LAMC2: variants seen among roughly 807,000 people sequenced by gnomAD.
LAMC2 encodes the protein laminin subunit gamma 2, also known as laminin subunit gamma-2.
A neutral mutation model predicts 140.2 loss-of-function variants in LAMC2; 97 were observed. The ratio of observed to expected loss-of-function variants is 0.69; its 90% CI spans 0.59 to 0.82. The LOEUF (loss-of-function observed/expected upper bound fraction) is 0.82. LAMC2 is among the 40% of genes least tolerant of loss of function. The pLI is 0.00. For synonymous variants in LAMC2, 513 were observed against 540.2 expected, an observed-to-expected ratio of 0.95 and a Z score of 0.70; for missense variants, 1,402 against 1,476.1, an observed-to-expected ratio of 0.95 and a Z score of 0.82.
chr1:183,236,261 C>T (rs1659958177), intron 16 of LAMC2, among the ~76,000 whole-genome samples, 199 bp from the exon 17 acceptor site: 1 of 151,838 alleles, frequency 6.6e-6, no homozygotes, highest in African/African-American at 2.4e-5. Context: ...TGGTGGCTCA[C>T]TCTTGTAGTC....
chr1:183,228,669 T>C lies in LAMC2; in HGVS notation c.1714+50T>C. Reference sequence around the variant, plus strand: ...GTGTCTGTGCGTGCCTGTGTACGTATGCACTTGCTTGCCATCTAAGCAGGG... The same window carrying C: ...GTGTCTGTGCGTGCCTGTGTACGTACGCACTTGCTTGCCATCTAAGCAGGG... On this transcript the variant is annotated intron_variant, in intron 11 of 22. Transcript: ENST00000264144. This position sits in a 1 kb window ranked among gnomAD's most constrained non-coding sequence, Gnocchi z 4.3. The C allele has an allele frequency of 6.2e-7, 1 of 1,608,706 alleles. No homozygotes were observed.
At chr1:183,208,944 G>A (rs2102198558) in intron 2 of LAMC2, among the ~76,000 whole-genome samples, 1 of 150,586 alleles carries the variant, frequency 6.6e-6, no homozygotes, top group East Asian at 1.9e-4. Context: ...CTCCCAAAGT[G>A]CTAAGACTAC....
chr1:183,253,943 G>A, the LAMC2 span, among the ~76,000 whole-genome samples: 3 of 141,406 alleles, frequency 2.1e-5, no homozygotes, highest in South Asian at 2.3e-4. Flanking sequence ...GTGTGTGTGT[G>A]TATGTGTGTG....
chr1:183,211,113 A>C (rs1659055299), intron 2 of LAMC2, among the ~76,000 whole-genome samples: 1 of 152,238 alleles, frequency 6.6e-6, no homozygotes, highest in Admixed American at 6.5e-5. Flanking sequence ...GTAGTCACCA[A>C]TTTTGGACTT....
At position 183,218,430 on chromosome 1, in the gene LAMC2, C is replaced by T. The variant is rs778799894; in HGVS notation, c.445C>T (p.Pro149Ser). ...CTGTGACCCAGCTGGCATCGCAGGGCCCTGTGACGCGGGCCGCTGTGTCTG... is the reference window on the plus strand; with the variant it reads ...CTGTGACCCAGCTGGCATCGCAGGGTCCTGTGACGCGGGCCGCTGTGTCTG... ...CDCDPAGIAG[P>S]CDAGRCVCKP... The change falls in exon 4 of 23, where the codon CCC (proline) becomes TCC (serine). Residue 149 changes from proline (P) to serine (S), a missense_variant. Coordinates refer to ENST00000264144, the MANE Select transcript of LAMC2 (RefSeq NM_005562.3). 3.1e-5 allele frequency: 50 copies of T among 1,614,044 alleles called. No individual in the cohort carries two copies. Among genetic ancestry groups the T allele is most frequent in the African/African-American group, 4.0e-5 (3 of 74,908 alleles).
At position 183,243,554 on chromosome 1, in the gene LAMC2, C is replaced by G; in HGVS notation, c.*154C>G. The G allele has an allele frequency of 3.3e-6, 3 of 902,356 alleles. No individual in the cohort carries two copies. The highest frequency in any genetic ancestry group is 5.3e-6 in the Non-Finnish European group (3 of 566,420). The allele number at this position is 902,356 out of a possible 1,614,324, so 55.9% of individuals were successfully genotyped here. On this transcript the variant is annotated 3_prime_UTR_variant, in exon 23 of 23. Transcript: ENST00000264144. ...CTGACCCCATTCCTGATCCCATGGC[C>G]AGGTGGTTGTCTTATTGCACCATAC...
chr1:183,256,204 G>A, the LAMC2 span, among the ~76,000 whole-genome samples: 1 of 151,870 alleles, frequency 6.6e-6, no homozygotes. Flanking sequence ...TCAGGCGTTC[G>A]AGCCCAGTCT....
Position 183,244,430 on chromosome 1 carries a change from A to G in LAMC2, c.*1030A>G, listed in dbSNP as rs1660200396. ...ATCCATTACCTCCATCCATCCTTCC[A>G]ACATATATTTATTGAGTACCTACTG... On this transcript the variant is annotated 3_prime_UTR_variant, in exon 23 of 23. Transcript: ENST00000264144. The G allele has an allele frequency of 6.6e-6, 1 of 152,234 alleles. No individual in the cohort carries two copies. The highest frequency in any genetic ancestry group is 2.1e-4 in the South Asian group (1 of 4,824). 9.4% of individuals were successfully genotyped at this position (152,234 alleles called of 1,614,324 possible).
chr1:183,250,266 C>T, the LAMC2 span: 1 of 152,282 alleles, frequency 6.6e-6, no homozygotes, highest in Non-Finnish European at 1.5e-5. Context: ...GGTCTTCCTT[C>T]ACCTTCCACA....
Position 183,238,077 on chromosome 1 carries a change from G to T in LAMC2, c.2755-230G>T, listed in dbSNP as rs1660019507. Among the ~76,000 whole-genome samples, 4 of 152,234 alleles carry T rather than the reference G, an allele frequency of 2.6e-5. No homozygotes were observed. In the South Asian group the frequency reaches 8.3e-4, roughly 32 times the overall value. ...GGAAATATCTAGAGTTTAAAATTATGATTTATAAAACCGTTCCTGTCCCTG... is the reference window on the plus strand; with the variant it reads ...GGAAATATCTAGAGTTTAAAATTATTATTTATAAAACCGTTCCTGTCCCTG... On this transcript the variant is annotated intron_variant, in intron 18 of 22. Coordinates refer to ENST00000264144, the MANE Select transcript of LAMC2 (RefSeq NM_005562.3).
chr1:183,217,412 A>C (rs2102213547), intron 3 of LAMC2, among the ~76,000 whole-genome samples: 1 of 152,318 alleles, frequency 6.6e-6, no homozygotes, highest in East Asian at 1.9e-4. Flanking sequence ...CAATCCCAGC[A>C]ATTCCACTCC....
intron 10 of LAMC2, 107 bp downstream of exon 10, chr1:183,227,804 C>A (rs953670729): frequency 9.7e-7 from 1 of 1,029,278 alleles, no homozygotes; most frequent in Non-Finnish European, 1.5e-6. Context: ...ATAATGACTT[C>A]GGGTTCACCC....
chr1:183,205,397 T>C (rs966639854), intron 1 of LAMC2, among the ~76,000 whole-genome samples: 2 of 152,180 alleles, frequency 1.3e-5, no homozygotes, highest in Non-Finnish European at 1.5e-5. Context: ...TTGGCACTAG[T>C]TCTGAGAAAA....
rs1558099426 is a variant in LAMC2 at position 183,240,000 on chromosome 1, C to A, written c.3070-40C>A. ...TTTGGGATGTTTTTGTGCCTCACCCCTATCTCTCCTTCCGTCCCTGGCTCC... is the reference window on the plus strand; with the variant it reads ...TTTGGGATGTTTTTGTGCCTCACCCATATCTCTCCTTCCGTCCCTGGCTCC... On this transcript the variant is annotated intron_variant, in intron 20 of 22. Coordinates refer to ENST00000264144, the MANE Select transcript of LAMC2 (RefSeq NM_005562.3). 5.0e-6 allele frequency: 8 copies of A among 1,612,984 alleles called. No individual in the cohort carries two copies. The Admixed American group carries it at 1.3e-4, about 27-fold the overall frequency.
At chr1:183,235,794 A>G in intron 16 of LAMC2, 64 bp downstream of exon 16, 1 of 1,567,194 alleles carries the variant, frequency 6.4e-7, no homozygotes, top group Non-Finnish European at 8.8e-7. Context: ...CAAAATGCTA[A>G]CCGTACTTGA....
chr1:183,255,378 T>C, the LAMC2 span, among the ~76,000 whole-genome samples: 2 of 152,198 alleles, frequency 1.3e-5, no homozygotes, highest in African/African-American at 4.8e-5. Context: ...TTTCTCATAA[T>C]TGCTTTGGCT....
At chr1:183,213,666 G>A (rs978206704) in intron 2 of LAMC2, among the ~76,000 whole-genome samples, 1 of 149,380 alleles carries the variant, frequency 6.7e-6, no homozygotes, top group Non-Finnish European at 1.5e-5. Context: ...CAGGTGTGGT[G>A]GCACATGCCT....
At position 183,225,293 on chromosome 1, in the gene LAMC2, C is replaced by G. The variant is rs1437600125; in HGVS notation, c.954-315C>G. ...CTGGAACGTGGAGATGTTCCTAATA[C>G]TAGCTTATGGGTGGCCAAGAATAGA... On this transcript the variant is annotated intron_variant, in intron 7 of 22. Transcript: ENST00000264144. Among the ~76,000 whole-genome samples, 7 of 152,152 alleles carry G rather than the reference C, an allele frequency of 4.6e-5. No individual in the cohort carries two copies. The East Asian group carries it at 1.2e-3, about 25-fold the overall frequency.
chr1:183,206,472 C>T (rs1008986050), intron 1 of LAMC2, among the ~76,000 whole-genome samples: 1 of 152,078 alleles, frequency 6.6e-6, no homozygotes, highest in Non-Finnish European at 1.5e-5. Flanking sequence ...TGGCGAAACC[C>T]CATCTCTACC....
Sources: allele counts gnomAD v4.1 joint callset (sites outside exome capture counted in the v4.1 genomes callset), GRCh38; gene constraint gnomAD v4.1.1; non-coding constraint Gnocchi (gnomAD v3.1); transcripts MANE v1.5; gene names NCBI Gene and HGNC (gene_info 2026-07-23, HGNC 2026-07-21).